DNAH9: variants seen among roughly 807,000 people sequenced by gnomAD.
DNAH9 encodes dynein axonemal heavy chain 9, also known as DNAH9 variant protein.
In DNAH9, 345 loss-of-function variants were observed where a neutral mutation model predicts 471.6. The ratio of observed to expected loss-of-function variants is 0.73; its 90% CI spans 0.67 to 0.80. The LOEUF is 0.80. DNAH9 is among the 30% of genes least tolerant of loss of function. DNAH9 has a pLI of 0.00. For synonymous variants in DNAH9, 2,093 were observed against 2,123.6 expected, an observed-to-expected ratio of 0.99 and a Z score of 0.40; for missense variants, 5,407 against 5,609.2, an observed-to-expected ratio of 0.96 and a Z score of 1.15.
At chr17:11,747,889 G>A in intron 32 of DNAH9, 123 bp downstream of exon 32, 1 of 890,188 alleles carries the variant, frequency 1.1e-6, no homozygotes, top group Non-Finnish European at 1.7e-6. Context: ...AACCGCGGAG[G>A]GAGACAAAAA....
intron 17 of DNAH9, among the ~76,000 whole-genome samples, chr17:11,678,898 T>C (rs1323716802): frequency 6.6e-6 from 1 of 152,170 alleles, no homozygotes; most frequent in Non-Finnish European, 1.5e-5. Flanking sequence ...TCTCCTGTCT[T>C]TTAATAACTT....
chr17:11,840,539 G>A (rs1037807936), intron 49 of DNAH9, among the ~76,000 whole-genome samples: 2 of 152,250 alleles, frequency 1.3e-5, no homozygotes, highest in East Asian at 3.9e-4. Context: ...AGAACAACAT[G>A]GTAGGCTAAA....
chr17:11,692,048 C>T (rs796232669), intron 20 of DNAH9, among the ~76,000 whole-genome samples: 21 of 73,222 alleles, frequency 2.9e-4, no homozygotes, highest in African/African-American at 9.8e-4. Flanking sequence ...GTGATCTGCC[C>T]GCCTCAGCCT....
At chr17:11,789,023 A>G (rs1968974582) in intron 41 of DNAH9, among the ~76,000 whole-genome samples, 1 of 152,094 alleles carries the variant, frequency 6.6e-6, no homozygotes, top group Non-Finnish European at 1.5e-5. Context: ...TTCTGGTAAT[A>G]TGATAAATTA....
intron 45 of DNAH9, among the ~76,000 whole-genome samples, chr17:11,812,052 T>C (rs28553398): frequency 0.093 from 6,023 of 64,764 alleles, 760 homozygotes; most frequent in African/African-American, 0.22. Context: ...TATATATATA[T>C]ATACACATAC....
chr17:11,951,101 C>A (rs979699280), intron 67 of DNAH9, among the ~76,000 whole-genome samples: 1 of 152,158 alleles, frequency 6.6e-6, no homozygotes, highest in Non-Finnish European at 1.5e-5. Flanking sequence ...CAACCCCAAA[C>A]AATTTTGTAT....
intron 49 of DNAH9, among the ~76,000 whole-genome samples, chr17:11,835,817 C>T (rs1437330365): frequency 6.6e-6 from 1 of 152,172 alleles, no homozygotes; most frequent in African/African-American, 2.4e-5. Context: ...TCTAAAACAA[C>T]CTATGGCGGC....
chr17:11,928,713 G>C (rs1048732094), intron 62 of DNAH9, among the ~76,000 whole-genome samples: 1 of 152,238 alleles, frequency 6.6e-6, no homozygotes, highest in Admixed American at 6.5e-5. Flanking sequence ...TGTGTTTCAG[G>C]AAGATAAGTT....
Position 11,854,381 on chromosome 17 carries a change from C to T in DNAH9, c.9886C>T (p.Leu3296Phe), listed in dbSNP as rs766572093. The change falls in exon 50 of 69, where the codon CTC (leucine) becomes TTC (phenylalanine). Residue 3296 changes from leucine (L) to phenylalanine (F), a missense_variant. Physicochemically the swap from Leu to Phe is conservative, Grantham distance 22. This residue lies in a region of DNAH9 where 4,636 missense variants were observed against 4,900.3 expected (regional missense o/e 0.95). Transcript: ENST00000262442. ...GGCACTGAACAAAGCCACCGCGGAC[C>T]TCACAGCTGCCCAGGAGAAGCTGGC... is the stretch of plus-strand genomic sequence containing the variant. ...RQALNKATAD[L>F]TAAQEKLAAI... 4 of 1,613,918 alleles carry T rather than the reference C, an allele frequency of 2.5e-6. No homozygotes were observed. The highest frequency in any genetic ancestry group is 2.2e-5 in the South Asian group (2 of 91,084).
chr17:11,960,882 A>G (rs1976095245), intron 67 of DNAH9, among the ~76,000 whole-genome samples: 1 of 152,216 alleles, frequency 6.6e-6, no homozygotes, highest in African/African-American at 2.4e-5. Flanking sequence ...CTTACATTTT[A>G]GCAGTCTGCC....
chr17:11,736,626 C>T (rs998771223), intron 28 of DNAH9, among the ~76,000 whole-genome samples: 1 of 152,184 alleles, frequency 6.6e-6, no homozygotes, highest in Non-Finnish European at 1.5e-5. Flanking sequence ...CCTGTACAAG[C>T]CAGCCTAACC....
At chr17:11,818,348 G>A (rs1331476348) in intron 45 of DNAH9, among the ~76,000 whole-genome samples, 1 of 151,828 alleles carries the variant, frequency 6.6e-6, no homozygotes, top group Non-Finnish European at 1.5e-5. Context: ...AGAATCGCTT[G>A]AACCTGGGAG....
intron 61 of DNAH9, among the ~76,000 whole-genome samples, chr17:11,920,615 C>A (rs1374693382): frequency 8.0e-6 from 1 of 124,934 alleles, no homozygotes; most frequent in Non-Finnish European, 1.6e-5. Context: ...AGCAAGACTC[C>A]ATCTCAAAAA....
intron 48 of DNAH9, among the ~76,000 whole-genome samples, chr17:11,828,021 A>G (rs985043748): frequency 6.6e-6 from 1 of 152,202 alleles, no homozygotes; most frequent in Non-Finnish European, 1.5e-5. Flanking sequence ...AAATACACCC[A>G]GAATCCCACC....
At chr17:11,833,891 C>T (rs1970751134) in intron 48 of DNAH9, among the ~76,000 whole-genome samples, 1 of 152,176 alleles carries the variant, frequency 6.6e-6, no homozygotes, top group Non-Finnish European at 1.5e-5. Flanking sequence ...TTGGCACACT[C>T]CACACTGGCT....
At chr17:11,727,059 A>C (rs2075166037) in intron 27 of DNAH9, among the ~76,000 whole-genome samples, 1 of 145,428 alleles carries the variant, frequency 6.9e-6, no homozygotes, top group Non-Finnish European at 1.5e-5. Flanking sequence ...AAAAAAAAAA[A>C]AAAAAAAAAA....
chr17:11,890,670 T>C (rs1364012893), intron 57 of DNAH9, among the ~76,000 whole-genome samples: 1 of 152,176 alleles, frequency 6.6e-6, no homozygotes, highest in Non-Finnish European at 1.5e-5. Context: ...GTTCTGTTTT[T>C]TGTTGTTTTT....
chr17:11,966,725 A>G (rs1976757565), intron 68 of DNAH9, among the ~76,000 whole-genome samples: 1 of 152,156 alleles, frequency 6.6e-6, no homozygotes, highest in Admixed American at 6.5e-5. Context: ...AGGGAGAGGG[A>G]ATGGAGCTAT....
At chr17:11,619,448 T>A in intron 5 of DNAH9, 100 bp from the exon 6 acceptor site, 1 of 745,666 alleles carries the variant, frequency 1.3e-6, no homozygotes, top group South Asian at 1.6e-5. Flanking sequence ...ATTATCCTCG[T>A]GAAAAATATT....
Sources: gnomAD v4.1 joint callset for allele counts (sites outside exome capture counted in the v4.1 genomes callset) on GRCh38, gnomAD v4.1.1 for gene constraint, gnomAD v4.1.1 regional missense constraint, MANE v1.5 for transcripts, NCBI Gene and HGNC (gene_info 2026-07-23, HGNC 2026-07-21) for gene names.